Variants in RDX observed in about 807,000 individuals in gnomAD.
RDX encodes the protein deafness, autosomal recessive 24.
A neutral mutation model predicts 83.7 loss-of-function variants in RDX; 32 were observed. The observed-to-expected ratio is 0.38, with a 90% CI of 0.29 to 0.51. The LOEUF (loss-of-function observed/expected upper bound fraction) is 0.51, where lower values mean the gene tolerates loss of function less well. Among genes scored for constraint, RDX ranks in the 20% least tolerant of loss-of-function variants. RDX has a pLI of 0.87. For synonymous variants in RDX, 229 were observed against 222.7 expected (o/e 1.03, Z -0.25); for missense variants, 600 against 689.9 (o/e 0.87, Z 1.46).
At chr11:110,225,840 A>G (rs1267985589), downstream of RDX, among the ~76,000 whole-genome samples, 1 of 152,066 alleles carries the variant, frequency 6.6e-6, no homozygotes, top group Non-Finnish European at 1.5e-5. Flanking sequence ...TGAGGTTAGG[A>G]GTTCAAGACC....
chr11:110,263,868 CAAAAAAA>C, intron 5 of RDX, 85 bp downstream of exon 5: 1 of 993,590 alleles, frequency 1.0e-6, no homozygotes. Flanking sequence ...ACCCTGTCTC[CAAAAAAA>C]AAAAAAAACC....
At chr11:110,193,325 G>A (rs753517508) in intron 15 of RDX, among the ~76,000 whole-genome samples, 12 of 152,064 alleles carry the variant, frequency 7.9e-5, no homozygotes, top group Non-Finnish European at 1.8e-4. Flanking sequence ...TTGAGTACAC[G>A]TGGACATTAA....
At chr11:110,217,745 G>A (rs144801670) in intron 14 of RDX, among the ~76,000 whole-genome samples, 2 of 152,266 alleles carry the variant, frequency 1.3e-5, no homozygotes, top group African/African-American at 4.8e-5. Flanking sequence ...CTAAAGGCAA[G>A]GGGTAGGGAG....
chr11:110,252,525 T>C (rs1859378622), intron 9 of RDX, among the ~76,000 whole-genome samples: 2 of 152,192 alleles, frequency 1.3e-5, no homozygotes, highest in South Asian at 4.1e-4. Context: ...ATTTATCTCA[T>C]GCTAGAAAAC....
At chr11:110,184,574 G>A (rs1045075201) in intron 15 of RDX, among the ~76,000 whole-genome samples, 1 of 152,200 alleles carries the variant, frequency 6.6e-6, no homozygotes, top group Non-Finnish European at 1.5e-5. Flanking sequence ...CCTTCTGATG[G>A]GGGTGGGAGG....
At chr11:110,243,733 A>G (rs540370044) in intron 10 of RDX, among the ~76,000 whole-genome samples, 3 of 152,254 alleles carry the variant, frequency 2.0e-5, no homozygotes, top group Admixed American at 1.3e-4. Flanking sequence ...AAAAAAAAAT[A>G]CATGCAATAT....
intron 1 of RDX, among the ~76,000 whole-genome samples, chr11:110,281,698 C>T (rs1361816673): frequency 1.3e-5 from 2 of 152,146 alleles, no homozygotes; most frequent in Non-Finnish European, 2.9e-5. Context: ...TCTACACTCA[C>T]CTACCTTCAT....
chr11:110,259,541 A>G (rs1859714565), intron 5 of RDX, among the ~76,000 whole-genome samples: 1 of 152,240 alleles, frequency 6.6e-6, no homozygotes, highest in African/African-American at 2.4e-5. Context: ...AATTCCTTAA[A>G]GGGGTCTCAG....
At chr11:110,199,051 G>A (rs1399059376) in intron 15 of RDX, among the ~76,000 whole-genome samples, 2 of 152,126 alleles carry the variant, frequency 1.3e-5, no homozygotes, top group Non-Finnish European at 2.9e-5. Flanking sequence ...CTGACCTCAG[G>A]TGATCCACCT....
rs1218946518 is a variant in RDX, at chr11:110,188,335, T to TAAC, written c.*31+11243_*31+11245dup. Among the ~76,000 whole-genome samples, 301 of 149,046 alleles carry TAAC rather than the reference T, an allele frequency of 2.0e-3. 1 individual carries two copies. Among genetic ancestry groups the TAAC allele is most frequent in the African/African-American group, 6.7e-3 (272 of 40,558 alleles). Reference sequence around the variant, plus strand: ...ATAATAATAATAATAATAATAATAATAACAATAATAATGGCATTCGCAGCA... The same window carrying TAAC: ...ATAATAATAATAATAATAATAATAATAACAACAATAATAATGGCATTCGCAGCA... On this transcript the variant is annotated intron_variant, in intron 15 of 15. Transcript: ENST00000528498.
At chr11:110,235,745 T>G (rs1003391643) in intron 12 of RDX, among the ~76,000 whole-genome samples, 1 of 152,226 alleles carries the variant, frequency 6.6e-6, no homozygotes, top group African/African-American at 2.4e-5. Flanking sequence ...ACATTCATAC[T>G]TCCTATACTC....
At chr11:110,272,418 A>G in intron 3 of RDX, 118 bp downstream of exon 3, 1 of 730,636 alleles carries the variant, frequency 1.4e-6, no homozygotes. Context: ...CTACTATGAA[A>G]AATTCCAAGT....
intron 14 of RDX, among the ~76,000 whole-genome samples, chr11:110,207,229 C>T (rs1315838716): frequency 6.6e-6 from 1 of 152,186 alleles, no homozygotes; most frequent in Non-Finnish European, 1.5e-5. Context: ...CCGCCTCAGC[C>T]TTCCAACATG....
chr11:110,255,369 C>T lies in RDX; in HGVS notation c.715G>A (p.Gly239Ser). Residue 239 changes from glycine to serine, a missense_variant, in exon 8 of 14, where the codon GGT becomes AGT. Gly to Ser is a moderately conservative substitution (Grantham distance 56, BLOSUM62 0). Transcript: ENST00000645495. ...EHDDKLTPKI[G>S]FPWSEIRNIS... Reference sequence around the variant, plus strand: ...TTTCTGATTTCACTCCAGGGAAAACCAATTTTAGGTGTTAACCTTAAAAAA... The same window carrying T: ...TTTCTGATTTCACTCCAGGGAAAACTAATTTTAGGTGTTAACCTTAAAAAA... 6.4e-7 allele frequency: 1 copy of T among 1,553,374 alleles called. No homozygotes were observed. Among genetic ancestry groups the T allele is most frequent in the Non-Finnish European group, 8.9e-7 (1 of 1,125,460 alleles).
chr11:110,287,760 C>T (rs780510537), intron 1 of RDX, among the ~76,000 whole-genome samples: 4 of 152,174 alleles, frequency 2.6e-5, no homozygotes, highest in Non-Finnish European at 5.9e-5. Context: ...CTGCCCTCCC[C>T]CTTCCTGCCC....
At chr11:110,190,686 T>C (rs1201800987) in intron 15 of RDX, among the ~76,000 whole-genome samples, 1 of 151,996 alleles carries the variant, frequency 6.6e-6, no homozygotes, top group African/African-American at 2.4e-5. Context: ...AAATAATCAA[T>C]AGACCACTAC....
At chr11:110,239,901 C>G (rs528978544) in intron 10 of RDX, among the ~76,000 whole-genome samples, 87 of 148,766 alleles carry the variant, frequency 5.8e-4, no homozygotes, top group Non-Finnish European at 7.7e-4. Context: ...AAAAGGAACA[C>G]TCATACACTG....
chr11:110,223,473 C>T (rs966908813), intron 14 of RDX, among the ~76,000 whole-genome samples: 1 of 151,730 alleles, frequency 6.6e-6, no homozygotes, highest in Admixed American at 6.6e-5. Flanking sequence ...AGTTGCAGTG[C>T]ACCAAAATCG....
At chr11:110,179,919 TGAGA>T in intron 15 of RDX, 1 of 414,464 alleles carries the variant, frequency 2.4e-6, no homozygotes. Flanking sequence ...TTTTTTTTTT[TGAGA>T]CAGAGTTTCC....
Sources: gnomAD v4.1 joint callset for allele counts (sites outside exome capture counted in the v4.1 genomes callset) on GRCh38, gnomAD v4.1.1 for gene constraint, MANE v1.5 for transcripts, NCBI Gene and HGNC (gene_info 2026-07-23, HGNC 2026-07-21) for gene names.